The following JAKMIP2 variants were observed in gnomAD, a reference collection of about 807,000 sequenced individuals.
JAKMIP2 encodes the protein janus kinase and microtubule interacting protein 2, also known as janus kinase and microtubule-interacting protein 2.
JAKMIP2 carries 25 observed loss-of-function variants against 115.0 expected under a neutral mutation model. The ratio of observed to expected loss-of-function variants is 0.22; its 90% CI spans 0.16 to 0.30. The LOEUF is 0.30. JAKMIP2 is among the 10% of genes least tolerant of loss of function. JAKMIP2 has a pLI of 1.00. For missense variants in JAKMIP2, 642 were observed against 957.6 expected (o/e 0.67, Z 4.35); for synonymous variants, 334 against 343.6 (o/e 0.97, Z 0.31).
intron 1 of JAKMIP2, among the ~76,000 whole-genome samples, chr5:147,686,691 C>G (rs991339059): frequency 3.3e-5 from 5 of 152,180 alleles, no homozygotes; most frequent in African/African-American, 1.2e-4. Flanking sequence ...GCACAGATGA[C>G]TACAGCATGA....
intron 1 of JAKMIP2, among the ~76,000 whole-genome samples, chr5:147,674,820 G>A (rs1759839715): frequency 6.6e-6 from 1 of 152,194 alleles, no homozygotes; most frequent in South Asian, 2.1e-4. Flanking sequence ...CGGGAACCAA[G>A]CTCTTTTTCT....
chr5:147,594,659 T>C (rs774841943), intron 21 of JAKMIP2, among the ~76,000 whole-genome samples: 18 of 152,110 alleles, frequency 1.2e-4, no homozygotes, highest in Non-Finnish European at 4.4e-5. Context: ...TTGAGTACGG[T>C]GATGTGGCTT....
At chr5:147,612,673 T>C (rs1459908258) in intron 19 of JAKMIP2, among the ~76,000 whole-genome samples, 1 of 151,558 alleles carries the variant, frequency 6.6e-6, no homozygotes, top group African/African-American at 2.4e-5. Context: ...ACCACTGACA[T>C]TGAGTTTGGC....
intron 21 of JAKMIP2, among the ~76,000 whole-genome samples, chr5:147,593,961 T>G (rs186150293): frequency 5.3e-5 from 8 of 152,358 alleles, no homozygotes; most frequent in Admixed American, 4.6e-4. Flanking sequence ...TTTCAATGTA[T>G]AGCATATCAA....
chr5:147,732,069 C>T (rs1753753655), intron 1 of JAKMIP2, among the ~76,000 whole-genome samples: 1 of 152,128 alleles, frequency 6.6e-6, no homozygotes, highest in African/African-American at 2.4e-5. Context: ...TAAATATTGC[C>T]AAGTAGTTGC....
intron 1 of JAKMIP2, among the ~76,000 whole-genome samples, chr5:147,672,663 G>A (rs1003838447): frequency 3.3e-5 from 5 of 152,164 alleles, no homozygotes; most frequent in Admixed American, 3.3e-4. Flanking sequence ...TGTTTCAGAA[G>A]TATAAACAGT....
At chr5:147,629,306 C>T (rs147513486) in intron 15 of JAKMIP2, among the ~76,000 whole-genome samples, 137 of 152,286 alleles carry the variant, frequency 9.0e-4, no homozygotes, top group African/African-American at 3.2e-3. Flanking sequence ...TGCATTATAG[C>T]CTCCTGGTCC....
chr5:147,600,091 T>G (rs1428982718), intron 21 of JAKMIP2, among the ~76,000 whole-genome samples: 6 of 4,562 alleles, frequency 1.3e-3, no homozygotes, highest in African/African-American at 2.0e-3. Flanking sequence ...TTTACTGTTT[T>G]TTTTTTTTTT....
chr5:147,726,290 G>A (rs1215833882), intron 1 of JAKMIP2, among the ~76,000 whole-genome samples: 3 of 152,180 alleles, frequency 2.0e-5, no homozygotes, highest in African/African-American at 4.8e-5. Context: ...TTTGTCACAC[G>A]TATTTTGCTC....
Position 147,665,778 on chromosome 5 carries a change from A to G in JAKMIP2, c.130-4333T>C, listed in dbSNP as rs112289815. Reference sequence around the variant, plus strand: ...AAAGTACTATGAAGTGTAAGGTAATATTATTACTGGATATAATAGGAGATA... The same window carrying G: ...AAAGTACTATGAAGTGTAAGGTAATGTTATTACTGGATATAATAGGAGATA... On this transcript the variant is annotated intron_variant, in intron 2 of 21. Transcript: ENST00000616793. 7.9e-3 allele frequency among the ~76,000 whole-genome samples: 1,199 copies of G among 152,320 alleles called. 24 individuals are homozygous for G. Among genetic ancestry groups the G allele is most frequent in the African/African-American group, 0.026 (1,099 of 41,566 alleles).
chr5:147,618,345 A>C (rs1414846123), intron 18 of JAKMIP2, among the ~76,000 whole-genome samples: 1 of 147,910 alleles, frequency 6.8e-6, no homozygotes, highest in African/African-American at 2.6e-5. Flanking sequence ...GTGAGGGAAC[A>C]TTTGTTCTTT....
intron 3 of JAKMIP2, among the ~76,000 whole-genome samples, chr5:147,653,170 T>C (rs66771592): frequency 6.6e-6 from 1 of 152,206 alleles, no homozygotes; most frequent in Non-Finnish European, 1.5e-5. Context: ...GCAATAAACA[T>C]ACGTGTGAAT....
chr5:147,678,307 CT>C (rs1276773380), intron 1 of JAKMIP2, among the ~76,000 whole-genome samples: 3 of 152,090 alleles, frequency 2.0e-5, no homozygotes, highest in African/African-American at 4.8e-5. Context: ...TGGCTACCCC[CT>C]GGCCCGCTTA....
chr5:147,749,859 G>T (rs1332792610), intron 1 of JAKMIP2, among the ~76,000 whole-genome samples: 2 of 152,222 alleles, frequency 1.3e-5, no homozygotes, highest in South Asian at 4.1e-4. Flanking sequence ...CCCTGAAATT[G>T]GATTGAGCTG....
At chr5:147,641,652 G>T in intron 8 of JAKMIP2, 56 bp downstream of exon 8, 3 of 1,239,680 alleles carry the variant, frequency 2.4e-6, no homozygotes, top group Non-Finnish European at 3.6e-6. Context: ...TCCATGCCAA[G>T]CCTCATCTCT....
Position 147,629,708 on chromosome 5 carries a change from G to T in JAKMIP2, c.1914C>A (p.Ile638=), listed in dbSNP as rs1180910327. 4.3e-6 allele frequency: 7 copies of T among 1,612,078 alleles called. No individual in the cohort carries two copies. The change falls in exon 15 of 22, where the codon ATC becomes ATA. Residue 638 remains isoleucine (I), a synonymous_variant. Transcript: ENST00000616793. ...NIPDLIKQLD[I]LGDNGNLRNE... is the part of the protein sequence containing the mutation. ...CTTTACTTACCCCATTATCACCCAAGATATCAAGCTGCTTTATGAGATCAG... is the reference window on the plus strand; with the variant it reads ...CTTTACTTACCCCATTATCACCCAATATATCAAGCTGCTTTATGAGATCAG...
At chr5:147,747,419 G>A (rs1754387730) in intron 1 of JAKMIP2, among the ~76,000 whole-genome samples, 1 of 152,088 alleles carries the variant, frequency 6.6e-6, no homozygotes, top group Non-Finnish European at 1.5e-5. Flanking sequence ...GGGCACAGCT[G>A]GGCCTGAAAA....
chr5:147,697,530 G>T (rs1752152796), intron 1 of JAKMIP2, among the ~76,000 whole-genome samples: 1 of 152,170 alleles, frequency 6.6e-6, no homozygotes, highest in Admixed American at 6.5e-5. Context: ...CCCATCACAG[G>T]CCTGGAGGCC....
At chr5:147,696,823 C>T (rs139598976) in intron 1 of JAKMIP2, among the ~76,000 whole-genome samples, 3,372 of 152,216 alleles carry the variant, frequency 0.022, 61 homozygotes, top group Middle Eastern at 0.051. Context: ...TTGTAGGGAA[C>T]TGGAATAAAG....
Sources: allele counts gnomAD v4.1 joint callset (sites outside exome capture counted in the v4.1 genomes callset), GRCh38; gene constraint gnomAD v4.1.1; transcripts MANE v1.5; gene names NCBI Gene and HGNC (gene_info 2026-07-23, HGNC 2026-07-21).